ASAP2: variants seen among roughly 807,000 people sequenced by gnomAD.
ASAP2 encodes the protein arf-GAP with SH3 domain, ANK repeat and PH domain-containing protein 2.
ASAP2 carries 45 observed loss-of-function variants against 131.4 expected under a neutral mutation model. The observed-to-expected ratio is 0.34, with a 90% CI of 0.27 to 0.44. The LOEUF (loss-of-function observed/expected upper bound fraction) is 0.44. ASAP2 is among the 20% of genes least tolerant of loss of function. The pLI, the probability that ASAP2 is intolerant of heterozygous loss-of-function variation, is 1.00. For synonymous variants in ASAP2, 510 were observed against 503.0 expected, an observed-to-expected ratio of 1.01 and a Z score of -0.19; for missense variants, 1,011 against 1,297.0, an observed-to-expected ratio of 0.78 and a Z score of 3.39.
At position 9,401,174 on chromosome 2, in the gene ASAP2, A is replaced by G. The variant is rs116482008; in HGVS notation, c.2824-100A>G. The G allele has an allele frequency of 2.1e-4, 305 of 1,469,238 alleles. No homozygotes were observed. In the African/African-American group the frequency reaches 3.8e-3, roughly 18 times the overall value. The allele number at this position is 1,469,238 out of a possible 1,614,324, so 91.0% of individuals were successfully genotyped here. A position where few individuals can be genotyped will look rare whatever the true frequency, so the allele number is the denominator to read the frequency against. On this transcript the variant is annotated intron_variant, in intron 26 of 27. Coordinates refer to ENST00000281419, the MANE Select transcript of ASAP2 (RefSeq NM_003887.3). ...ATCTGCAGGCTTCTCAGGCCTAGGTACGGGACTCCTGAGACCGGGGAAGGC... is the reference window on the plus strand; with the variant it reads ...ATCTGCAGGCTTCTCAGGCCTAGGTGCGGGACTCCTGAGACCGGGGAAGGC...
At chr2:9,210,884 G>A (rs1334408948) in intron 1 of ASAP2, among the ~76,000 whole-genome samples, 2 of 151,638 alleles carry the variant, frequency 1.3e-5, no homozygotes, top group Non-Finnish European at 2.9e-5. Context: ...GGCCAGGTGC[G>A]GTGGCTCACG....
Position 9,217,464 on chromosome 2 carries a change from G to C in ASAP2, c.126+10234G>C, listed in dbSNP as rs1662128608. ...TCCACTCCATGCTGAAGATGGCTTT[G>C]TCAATAAAATCAGGCAGTTGATGAA... On this transcript the variant is annotated intron_variant, in intron 1 of 27. Coordinates refer to ENST00000281419, the MANE Select transcript of ASAP2 (RefSeq NM_003887.3). This position sits in a 1 kb window ranked among gnomAD's most constrained non-coding sequence, Gnocchi z 4.0. Among the ~76,000 whole-genome samples, 1 of 152,176 alleles carries C rather than the reference G, an allele frequency of 6.6e-6. No homozygotes were observed. Among genetic ancestry groups the C allele is most frequent in the South Asian group, 2.1e-4 (1 of 4,832 alleles).
At chr2:9,399,981 C>T in intron 24 of ASAP2, 42 bp from the exon 25 acceptor site, 1 of 1,600,804 alleles carries the variant, frequency 6.2e-7, no homozygotes, top group African/African-American at 1.3e-5. Flanking sequence ...GGGGCAGGTG[C>T]CCTCCGGTAG....
intron 2 of ASAP2, among the ~76,000 whole-genome samples, chr2:9,295,544 C>G (rs565524642): frequency 6.6e-6 from 1 of 152,158 alleles, no homozygotes; most frequent in East Asian, 1.9e-4. Context: ...TAGCTGACGC[C>G]GCAGGCCCAG....
intron 16 of ASAP2, among the ~76,000 whole-genome samples, chr2:9,372,129 G>C (rs1253143082): frequency 6.6e-6 from 1 of 152,202 alleles, no homozygotes; most frequent in Non-Finnish European, 1.5e-5. Flanking sequence ...CCTTTCCTGT[G>C]GAGGTCGCAG....
intron 1 of ASAP2, among the ~76,000 whole-genome samples, chr2:9,213,909 G>A (rs1053661215): frequency 6.6e-5 from 10 of 152,162 alleles, no homozygotes; most frequent in African/African-American, 2.4e-4. Flanking sequence ...CAGTTCCAGG[G>A]TCAATCAAGG....
intron 24 of ASAP2, among the ~76,000 whole-genome samples, chr2:9,396,123 G>T (rs1676129825): frequency 6.6e-6 from 1 of 152,090 alleles, no homozygotes; most frequent in Non-Finnish European, 1.5e-5. Flanking sequence ...GGGTTCAGGA[G>T]CTCCTCAGAC....
chr2:9,260,157 G>A (rs2148193606), intron 1 of ASAP2, among the ~76,000 whole-genome samples: 1 of 152,368 alleles, frequency 6.6e-6, no homozygotes, highest in South Asian at 2.1e-4. Flanking sequence ...ACTGTATTGA[G>A]TAGCTATTAC....
In ASAP2 at chr2:9,356,051, C is replaced by G. The variant is rs1672674282; in HGVS notation, c.1116C>G (p.Asp372Glu). The change falls in exon 13 of 28, where the codon GAC becomes GAG. Residue 372 changes from aspartate to glutamate, a missense_variant. Asp to Glu is a conservative substitution (Grantham distance 45). Around this residue, in one of 2 missense-constraint regions of ASAP2, gnomAD observed 359 missense variants for 598.1 expected, o/e 0.60. Transcript: ENST00000281419. Reference sequence around the variant, plus strand: ...GAAATTCCTCTTGCTATGCAGATGACAGAACTTACCACTTTCAAGCTGAAG... The same window carrying G: ...GAAATTCCTCTTGCTATGCAGATGAGAGAACTTACCACTTTCAAGCTGAAG... ...EKKCFDLISH[D>E]RTYHFQAEDE... The G allele has an allele frequency of 6.2e-7, 1 of 1,613,980 alleles. No individual in the cohort carries two copies. The highest frequency in any genetic ancestry group is 1.3e-5 in the African/African-American group (1 of 74,886).
chr2:9,355,334 A>G (rs1414850837), intron 12 of ASAP2, among the ~76,000 whole-genome samples: 1 of 151,964 alleles, frequency 6.6e-6, no homozygotes, highest in Non-Finnish European at 1.5e-5. Context: ...AAGAGTATTG[A>G]CCTGTTTTTT....
chr2:9,398,509 C>G (rs1676369032), intron 24 of ASAP2, among the ~76,000 whole-genome samples: 1 of 151,508 alleles, frequency 6.6e-6, no homozygotes, highest in East Asian at 1.9e-4. Flanking sequence ...GACCCTGACT[C>G]AAAAAACAAA....
Position 9,344,551 on chromosome 2 carries a change from G to A in ASAP2, c.869G>A (p.Ser290Asn). Residue 290 changes from serine (S) to asparagine (N), a missense_variant, in exon 10 of 28, where the codon AGC (serine) becomes AAC (asparagine). Physicochemically the swap from Ser to Asn is conservative, Grantham distance 46. This residue lies in a region of ASAP2 where 359 missense variants were observed against 598.1 expected (regional missense o/e 0.60). Transcript: ENST00000281419. Reference protein sequence around the residue: ...EQKEDSQIRQSTAYSLHQPQG... With the variant: ...EQKEDSQIRQNTAYSLHQPQG... ...TTTTAGGACTCCCAAATTCGTCAGA[G>A]CACAGCTTATAGCTTACATCAGCCT... The A allele has an allele frequency of 6.2e-7, 1 of 1,614,076 alleles. No homozygotes were observed. The highest frequency in any genetic ancestry group is 1.7e-5 in the Admixed American group (1 of 60,016).
chr2:9,284,077 G>C (rs529908230), intron 2 of ASAP2, among the ~76,000 whole-genome samples: 13 of 152,332 alleles, frequency 8.5e-5, no homozygotes, highest in African/African-American at 2.2e-4. Context: ...AGATAATCCA[G>C]ATAATCTCCC....
intron 1 of ASAP2, among the ~76,000 whole-genome samples, chr2:9,263,867 AT>A (rs887226860): frequency 6.6e-6 from 1 of 151,940 alleles, no homozygotes; most frequent in South Asian, 2.1e-4. Flanking sequence ...TAGGTTAAGT[AT>A]TTTTTTCTCC....
intron 1 of ASAP2, among the ~76,000 whole-genome samples, chr2:9,240,522 A>G (rs1558258243): frequency 1.3e-5 from 2 of 152,106 alleles, no homozygotes; most frequent in African/African-American, 2.4e-5. Flanking sequence ...CTGAGGTTTC[A>G]GGTGTGAGCC....
chr2:9,387,202 A>C (rs1223221608), intron 21 of ASAP2, among the ~76,000 whole-genome samples: 1 of 129,134 alleles, frequency 7.7e-6, no homozygotes. Flanking sequence ...CAACAGAGAG[A>C]GACTCTGTCT....
Position 9,344,594 on chromosome 2 carries a change from T to C in ASAP2, c.912T>C (p.His304=). The part of the protein sequence containing the change: ...SLHQPQGNKE[H]GTERNGSLYK... ...ATCAGCCTCAGGGAAACAAGGAACA[T>C]GGGACCGAGCGGAACGGCAGCCTCT... Residue 304 remains histidine, a synonymous_variant, in exon 10 of 28, where the codon CAT becomes CAC. Coordinates refer to ENST00000281419, the MANE Select transcript of ASAP2 (RefSeq NM_003887.3). 6.2e-7 allele frequency: 1 copy of C among 1,614,140 alleles called. No homozygotes were observed. Among genetic ancestry groups the C allele is most frequent in the Non-Finnish European group, 8.5e-7 (1 of 1,180,036 alleles).
intron 1 of ASAP2, among the ~76,000 whole-genome samples, chr2:9,238,768 G>A (rs1186787849): frequency 6.6e-6 from 1 of 152,128 alleles, no homozygotes. Context: ...GTACAGTTGT[G>A]TAATCCCCAC....
At chr2:9,397,750 A>ATTTTTTTTTTT (rs1172660637) in intron 24 of ASAP2, among the ~76,000 whole-genome samples, 2 of 44,806 alleles carry the variant, frequency 4.5e-5, no homozygotes, top group African/African-American at 1.7e-4. Context: ...ATATATATAT[A>ATTTTTTTTTTT]TTTTTTTTTT....
Sources: allele counts gnomAD v4.1 joint callset (sites outside exome capture counted in the v4.1 genomes callset), GRCh38; gene constraint gnomAD v4.1.1; regional missense constraint gnomAD v4.1.1; non-coding constraint Gnocchi (gnomAD v3.1); transcripts MANE v1.5; gene names NCBI Gene and HGNC (gene_info 2026-07-23, HGNC 2026-07-21).